LIMS1: variants seen among roughly 807,000 people sequenced by gnomAD.
LIMS1 encodes the protein LIM zinc finger domain containing 1, also known as LIM and senescent cell antigen-like-containing domain protein 1.
Under a neutral mutation model 44.1 loss-of-function variants are expected in LIMS1, and 18 were observed. The ratio of observed to expected loss-of-function variants is 0.41; its 90% CI spans 0.28 to 0.61. LIMS1 has a LOEUF of 0.61. Among genes scored for constraint, LIMS1 ranks in the 20% least tolerant of loss-of-function variants. The pLI, the probability that LIMS1 is intolerant of heterozygous loss-of-function variation, is 0.32. For missense variants in LIMS1, 201 were observed against 422.0 expected (o/e 0.48, Z 4.59); for synonymous variants, 93 against 149.1 (o/e 0.62, Z 2.74).
upstream of LIMS1, chr2:108,534,319 G>C (rs1242924623): frequency 5.2e-6 from 1 of 192,654 alleles, no homozygotes; most frequent in Admixed American, 6.4e-5. Context: ...CGCGCCCTTC[G>C]GCGCCCGCCC....
At chr2:108,639,739 C>T (rs1689542410) in intron 1 of LIMS1, among the ~76,000 whole-genome samples, 1 of 152,238 alleles carries the variant, frequency 6.6e-6, no homozygotes, top group Non-Finnish European at 1.5e-5. Flanking sequence ...ACGTGAGTCA[C>T]CGTGCCCAGC....
At chr2:108,656,868 C>G (rs1231631604) in intron 1 of LIMS1, among the ~76,000 whole-genome samples, 1 of 85,234 alleles carries the variant, frequency 1.2e-5, no homozygotes, top group East Asian at 2.6e-4. Flanking sequence ...CTCTTAAAAA[C>G]TATTAAGGTT....
intron 1 of LIMS1, among the ~76,000 whole-genome samples, chr2:108,570,684 G>A (rs1470263145): frequency 6.6e-6 from 1 of 152,176 alleles, no homozygotes. Context: ...CAGAGGGAAC[G>A]TGGCCATCCT....
intron 1 of LIMS1, among the ~76,000 whole-genome samples, chr2:108,614,975 AC>A (rs1687851955): frequency 6.6e-6 from 1 of 152,188 alleles, no homozygotes; most frequent in Non-Finnish European, 1.5e-5. Context: ...AGTAACTGTT[AC>A]ATTTCTCCTC....
At chr2:108,551,047 T>C (rs1023737940) in intron 1 of LIMS1, among the ~76,000 whole-genome samples, 5 of 149,940 alleles carry the variant, frequency 3.3e-5, no homozygotes, top group African/African-American at 1.2e-4. Flanking sequence ...GAGGATCACT[T>C]GAGCCCAGGA....
chr2:108,543,895 G>C (rs1325807311), intron 1 of LIMS1, among the ~76,000 whole-genome samples: 1 of 152,084 alleles, frequency 6.6e-6, no homozygotes, highest in African/African-American at 2.4e-5. Context: ...AGAAATAGCA[G>C]CCCAACCCTC....
chr2:108,611,929 T>TAC (rs1558808890), intron 1 of LIMS1, among the ~76,000 whole-genome samples: 46 of 144,778 alleles, frequency 3.2e-4, no homozygotes, highest in East Asian at 1.4e-3. Context: ...AAAATATATA[T>TAC]ATACATATAT....
At chr2:108,621,138 C>G in intron 1 of LIMS1, 2 of 682,700 alleles carry the variant, frequency 2.9e-6, no homozygotes, top group South Asian at 5.8e-5. Flanking sequence ...CCCCAAGGTG[C>G]GAGGCCCAGA....
chr2:108,556,050 T>C (rs559271449), intron 1 of LIMS1, among the ~76,000 whole-genome samples: 2 of 152,260 alleles, frequency 1.3e-5, no homozygotes, highest in East Asian at 3.9e-4. Context: ...AAGTGTATAA[T>C]TCAGTGACAG....
chr2:108,674,926 T>A (rs984528605), intron 5 of LIMS1, among the ~76,000 whole-genome samples: 2 of 151,498 alleles, frequency 1.3e-5, no homozygotes, highest in African/African-American at 4.8e-5. Context: ...CAAGTCCGTT[T>A]GACTAATTGG....
At chr2:108,677,947 C>T (rs1332075559) in intron 7 of LIMS1, 32 bp from the exon 8 acceptor site, 1 of 1,583,440 alleles carries the variant, frequency 6.3e-7, no homozygotes, top group African/African-American at 1.4e-5. Flanking sequence ...TCTAACACAT[C>T]TTGAACTTTG....
At chr2:108,635,594 G>T (rs535336024) in intron 1 of LIMS1, among the ~76,000 whole-genome samples, 1 of 151,584 alleles carries the variant, frequency 6.6e-6, no homozygotes, top group East Asian at 1.9e-4. Flanking sequence ...CCAGCTACTT[G>T]GGAGGCTGAG....
rs928995858 is a variant in LIMS1, at chr2:108,667,331, G to A, written c.193-3450G>A. ...AGAACAAACAGACCAAAGCAGTATC[G>A]CTTTTTGACTCTTGGGAGGCCCTAA... On this transcript the variant is annotated intron_variant, in intron 2 of 9. Transcript: ENST00000544547. 6.8e-4 allele frequency among the ~76,000 whole-genome samples: 103 copies of A among 152,102 alleles called. 1 individual carries two copies. The highest frequency in any genetic ancestry group is 2.3e-3 in the African/African-American group (94 of 41,516).
chr2:108,608,765 T>A (rs1558807198), intron 1 of LIMS1, among the ~76,000 whole-genome samples: 1 of 152,172 alleles, frequency 6.6e-6, no homozygotes, highest in Admixed American at 6.5e-5. Context: ...GGGCCCCTGA[T>A]GCCCATTCCA....
At chr2:108,683,028 A>C (rs956401446) in intron 9 of LIMS1, among the ~76,000 whole-genome samples, 1 of 152,230 alleles carries the variant, frequency 6.6e-6, no homozygotes, top group Non-Finnish European at 1.5e-5. Flanking sequence ...CCATTTTAAA[A>C]ATAAATTGAT....
chr2:108,567,666 G>A (rs1685340182), intron 1 of LIMS1, among the ~76,000 whole-genome samples: 1 of 152,074 alleles, frequency 6.6e-6, no homozygotes, highest in Admixed American at 6.6e-5. Flanking sequence ...CTGCTTCCTG[G>A]GTTCAAGCGA....
At chr2:108,563,013 CT>C (rs1214660675) in intron 1 of LIMS1, among the ~76,000 whole-genome samples, 1 of 152,228 alleles carries the variant, frequency 6.6e-6, no homozygotes, top group Non-Finnish European at 1.5e-5. Flanking sequence ...TCTGCCTCTG[CT>C]CTATAAATGG....
At chr2:108,597,305 A>G (rs568037818) in intron 1 of LIMS1, among the ~76,000 whole-genome samples, 3 of 152,324 alleles carry the variant, frequency 2.0e-5, no homozygotes, top group Admixed American at 1.3e-4. Context: ...AGGCACATGC[A>G]TAGAAAGTTT....
chr2:108,562,018 A>G (rs982619268), intron 1 of LIMS1, among the ~76,000 whole-genome samples: 5 of 152,170 alleles, frequency 3.3e-5, no homozygotes, highest in Admixed American at 2.0e-4. Flanking sequence ...CTGGGATTAC[A>G]GGCATGAGCC....
Sources: gnomAD v4.1 joint callset for allele counts (sites outside exome capture counted in the v4.1 genomes callset) on GRCh38, gnomAD v4.1.1 for gene constraint, MANE v1.5 for transcripts, NCBI Gene and HGNC (gene_info 2026-07-23, HGNC 2026-07-21) for gene names.